Variants in RPN2 observed in about 807,000 individuals in gnomAD.
RPN2 encodes ribophorin II.
In RPN2, 29 loss-of-function variants were observed where a neutral mutation model predicts 71.4. The observed-to-expected ratio is 0.41, with a 90% CI of 0.30 to 0.55. RPN2 has a LOEUF of 0.55. Among genes scored for constraint, RPN2 ranks in the 20% least tolerant of loss-of-function variants. The pLI is 0.35. For missense variants in RPN2, 726 were observed against 774.1 expected (o/e 0.94, Z 0.74); for synonymous variants, 308 against 305.0 (o/e 1.01, Z -0.10).
At chr20:37,227,933 C>T (rs2068120853) in intron 11 of RPN2, among the ~76,000 whole-genome samples, 1 of 152,218 alleles carries the variant, frequency 6.6e-6, no homozygotes, top group African/African-American at 2.4e-5. Flanking sequence ...TATGCCACAT[C>T]TGGAAGTTAA....
In RPN2 at chr20:37,207,420, T is replaced by A. The variant is rs775597399; in HGVS notation, c.838T>A (p.Ser280Thr). ...PVVVVPEGSA[S>T]DTHEQAILRL... The stretch of plus-strand genomic sequence containing the variant: ...TGTGGTTGTGCCTGAGGGCTCTGCT[T>A]CCGACACTCATGAACAGGCTATCTT... The change falls in exon 7 of 17, where the codon TCC becomes ACC. Residue 280 changes from serine (S) to threonine (T), a missense_variant. By Grantham distance (58) the Ser-to-Thr change is moderately conservative. Coordinates refer to ENST00000237530, the MANE Select transcript of RPN2 (RefSeq NM_002951.5). 6.2e-7 allele frequency: 1 copy of A among 1,614,080 alleles called. No homozygotes were observed. Among genetic ancestry groups the A allele is most frequent in the Non-Finnish European group, 8.5e-7 (1 of 1,180,042 alleles).
intron 1 of RPN2, among the ~76,000 whole-genome samples, chr20:37,182,811 A>G (rs1008345068): frequency 2.0e-5 from 3 of 152,236 alleles, no homozygotes; most frequent in Admixed American, 1.3e-4. Flanking sequence ...CTTGGGTGCC[A>G]GACAATGCAC....
intron 7 of RPN2, 61 bp downstream of exon 7, chr20:37,207,510 G>A (rs1393557560): frequency 6.6e-7 from 1 of 1,520,422 alleles, no homozygotes; most frequent in Non-Finnish European, 9.1e-7. Flanking sequence ...AAGGCTTTCA[G>A]AAATCTGGAC....
chr20:37,231,421 C>T (rs1600841480), intron 13 of RPN2, among the ~76,000 whole-genome samples: 1 of 152,016 alleles, frequency 6.6e-6, no homozygotes, highest in Admixed American at 6.6e-5. Context: ...GTCGAGCCTT[C>T]TGGTTTAACT....
In RPN2 at chr20:37,213,803, G is replaced by T. The variant is rs765022615; in HGVS notation, c.1030G>T (p.Gly344Cys). ...LNFMNVKFSS[G>C]YYDFLVEVEG... is the part of the protein sequence containing the mutation. ...TTTCATGAACGTCAAATTTTCCAGT[G>T]GTTATTATGACTTCCTTGTCGAAGT... Residue 344 changes from glycine to cysteine, a missense_variant, in exon 9 of 17, where the codon GGT becomes TGT. By Grantham distance (159) the Gly-to-Cys change is radical (BLOSUM62 -3). Coordinates refer to ENST00000237530, the MANE Select transcript of RPN2 (RefSeq NM_002951.5). 1 of 1,613,940 alleles carries T rather than the reference G, an allele frequency of 6.2e-7. No homozygotes were observed. Among genetic ancestry groups the T allele is most frequent in the Non-Finnish European group, 8.5e-7 (1 of 1,179,988 alleles).
rs573473476 is a variant in RPN2, at chr20:37,195,234, G to A, written c.208-3163G>A. On this transcript the variant is annotated intron_variant, in intron 2 of 16. Transcript: ENST00000237530. ...AGCACTGGGTGGGCTCACTGAGCAG[G>A]CTGAGCATGTTCTGGGAGGTGTCCC... Among the ~76,000 whole-genome samples, 3 of 152,294 alleles carry A rather than the reference G, an allele frequency of 2.0e-5. 1 individual carries two copies. Among genetic ancestry groups the A allele is most frequent in the African/African-American group, 7.2e-5 (3 of 41,548 alleles).
intron 8 of RPN2, among the ~76,000 whole-genome samples, chr20:37,210,623 T>C (rs2067638264): frequency 6.6e-6 from 1 of 151,282 alleles, no homozygotes; most frequent in Non-Finnish European, 1.5e-5. Flanking sequence ...GTCTGCCTCC[T>C]GGATTCTAGC....
intron 1 of RPN2, among the ~76,000 whole-genome samples, chr20:37,181,196 T>C (rs1220209062): frequency 6.7e-6 from 1 of 150,212 alleles, no homozygotes; most frequent in Non-Finnish European, 1.5e-5. Context: ...GCCACTGCAC[T>C]CCAGCCTGGC....
chr20:37,219,008 C>G (rs1332645469), intron 9 of RPN2, among the ~76,000 whole-genome samples: 1 of 152,094 alleles, frequency 6.6e-6, no homozygotes, highest in African/African-American at 2.4e-5. Flanking sequence ...TTTGTTTGAA[C>G]ACTTGTTTTT....
At chr20:37,194,011 G>A (rs2067202206) in intron 2 of RPN2, among the ~76,000 whole-genome samples, 1 of 152,152 alleles carries the variant, frequency 6.6e-6, no homozygotes, top group South Asian at 2.1e-4. Flanking sequence ...CCAGCAGGGT[G>A]CGGTGGCATC....
chr20:37,235,741 C>T (rs1380434860), intron 15 of RPN2, among the ~76,000 whole-genome samples: 1 of 152,168 alleles, frequency 6.6e-6, no homozygotes, highest in Non-Finnish European at 1.5e-5. Flanking sequence ...GCCTCTGCCT[C>T]CCAGGTTCAG....
At chr20:37,199,788 T>C (rs2067338575) in intron 4 of RPN2, among the ~76,000 whole-genome samples, 1 of 152,196 alleles carries the variant, frequency 6.6e-6, no homozygotes, top group Admixed American at 6.5e-5. Flanking sequence ...TATTGTAACT[T>C]CAGGGTGTTT....
chr20:37,194,626 C>T (rs1246304765), intron 2 of RPN2, among the ~76,000 whole-genome samples: 3 of 152,128 alleles, frequency 2.0e-5, no homozygotes, highest in Non-Finnish European at 4.4e-5. Flanking sequence ...GTTGAATTGA[C>T]GAGGTAATGG....
At chr20:37,208,329 T>G (rs2067567238) in intron 7 of RPN2, among the ~76,000 whole-genome samples, 1 of 151,962 alleles carries the variant, frequency 6.6e-6, no homozygotes, top group Non-Finnish European at 1.5e-5. Flanking sequence ...TTTCTAGGTC[T>G]ATAACTCCAG....
At chr20:37,204,712 C>T in intron 5 of RPN2, 55 bp from the exon 6 acceptor site, 1 of 1,603,646 alleles carries the variant, frequency 6.2e-7, no homozygotes, top group African/African-American at 1.3e-5. Context: ...GTGGTTCGTG[C>T]ATCTCATTTC....
chr20:37,225,862 C>A (rs769184450), intron 11 of RPN2, 60 bp downstream of exon 11: 4 of 1,149,416 alleles, frequency 3.5e-6, no homozygotes, highest in Non-Finnish European at 3.9e-6. Context: ...CTAGAGTTTA[C>A]AATGTGGTCT....
chr20:37,220,149 C>G (rs1367760128), intron 9 of RPN2, among the ~76,000 whole-genome samples: 1 of 152,152 alleles, frequency 6.6e-6, no homozygotes, highest in South Asian at 2.1e-4. Flanking sequence ...AAAATCTTCT[C>G]TCTTCCTCCT....
At chr20:37,226,393 G>A (rs1447442584) in intron 11 of RPN2, among the ~76,000 whole-genome samples, 3 of 152,092 alleles carry the variant, frequency 2.0e-5, no homozygotes, top group African/African-American at 7.2e-5. Flanking sequence ...ATTTAAAAAA[G>A]GGAATGTGCT....
intron 1 of RPN2, among the ~76,000 whole-genome samples, chr20:37,181,414 C>T (rs1047811538): frequency 6.7e-6 from 1 of 150,110 alleles, no homozygotes; most frequent in Non-Finnish European, 1.5e-5. Flanking sequence ...AGAATGTTTG[C>T]ATTTGGTTTT....
Sources: allele counts gnomAD v4.1 joint callset (sites outside exome capture counted in the v4.1 genomes callset), GRCh38; gene constraint gnomAD v4.1.1; transcripts MANE v1.5; gene names NCBI Gene and HGNC (gene_info 2026-07-23, HGNC 2026-07-21).